The following GPR52 variants were observed in gnomAD, a reference collection of about 807,000 sequenced individuals.
GPR52 encodes probable G-protein coupled receptor 52.
A neutral mutation model predicts 24.0 loss-of-function variants in GPR52; 8 were observed. The ratio of observed to expected loss-of-function variants is 0.33; its 90% CI spans 0.20 to 0.60. The LOEUF is 0.60. Among genes scored for constraint, GPR52 ranks in the 20% least tolerant of loss-of-function variants. The pLI, the probability that GPR52 is intolerant of heterozygous loss-of-function variation, is 0.82. For synonymous variants in GPR52, 144 were observed against 158.1 expected (o/e 0.91, Z 0.67); for missense variants, 412 against 447.7 (o/e 0.92, Z 0.72).
Position 174,449,067 on chromosome 1 carries a change from T to A in GPR52, c.956T>A (p.Leu319His). 6.2e-7 allele frequency: 1 copy of A among 1,614,086 alleles called. No individual in the cohort carries two copies. The highest frequency in any genetic ancestry group is 8.5e-7 in the Non-Finnish European group (1 of 1,179,936). The change falls in exon 1 of 1, where the codon CTC becomes CAC. Residue 319 changes from leucine (L) to histidine (H), a missense_variant. Coordinates refer to ENST00000367685, the MANE Select transcript of GPR52 (RefSeq NM_005684.5). ...TTTTGTAACTGTGTAATATACAGCCTCTCCAACAGCGTTTTCCGGCTAGGC... is the reference window on the plus strand; with the variant it reads ...TTTTGTAACTGTGTAATATACAGCCACTCCAACAGCGTTTTCCGGCTAGGC... The part of the protein sequence containing the change: ...NSFCNCVIYS[L>H]SNSVFRLGLR...
In GPR52 at chr1:174,448,527, G is replaced by A. The variant is rs982327414; in HGVS notation, c.416G>A (p.Arg139His). ...MACLACISVDRYLAITKPLSY... is the reference protein window; with the variant it reads ...MACLACISVDHYLAITKPLSY... ...TGTCTTGCTTGCATCAGTGTGGATCGTTATCTTGCAATAACCAAGCCTCTT... is the reference window on the plus strand; with the variant it reads ...TGTCTTGCTTGCATCAGTGTGGATCATTATCTTGCAATAACCAAGCCTCTT... The change falls in exon 1 of 1, where the codon CGT (arginine) becomes CAT (histidine). Residue 139 changes from arginine (R) to histidine (H), a missense_variant. Coordinates refer to ENST00000367685, the MANE Select transcript of GPR52 (RefSeq NM_005684.5). The surrounding 1 kb of genome is among the most constrained non-coding windows in gnomAD (Gnocchi z 4.2). The A allele has an allele frequency of 8.1e-6, 13 of 1,611,078 alleles. No homozygotes were observed. Among genetic ancestry groups the A allele is most frequent in the African/African-American group, 6.7e-5 (5 of 74,368 alleles).
rs1655184820 is a variant in GPR52 at position 174,449,473 on chromosome 1, A to C, written c.*276A>C. 6.6e-6 allele frequency among the ~76,000 whole-genome samples: 1 copy of C among 152,170 alleles called. No homozygotes were observed. Among genetic ancestry groups the C allele is most frequent in the African/African-American group, 2.4e-5 (1 of 41,434 alleles). ...CACTGAGATGAAAAAGAATATCTCA[A>C]ATCTTCTGCAGGACATGAGCAAGCC... On this transcript the variant is annotated 3_prime_UTR_variant, in exon 1 of 1. Coordinates refer to ENST00000367685, the MANE Select transcript of GPR52 (RefSeq NM_005684.5).
chr1:174,448,311 G>A lies in GPR52; in HGVS notation c.200G>A (p.Cys67Tyr). The A allele has an allele frequency of 6.2e-7, 1 of 1,613,102 alleles. No homozygotes were observed. The highest frequency in any genetic ancestry group is 8.5e-7 in the Non-Finnish European group (1 of 1,179,104). Residue 67 changes from cysteine to tyrosine, a missense_variant, in exon 1 of 1, where the codon TGT (cysteine) becomes TAT (tyrosine). Coordinates refer to ENST00000367685, the MANE Select transcript of GPR52 (RefSeq NM_005684.5). The surrounding 1 kb of genome is among the most constrained non-coding windows in gnomAD (Gnocchi z 4.2). The stretch of plus-strand genomic sequence containing the variant: ...CTAACAGTTATCTTTGTCTTTCATT[G>A]TGCTCCACTGTTACATCATTATACT... ...GNLTVIFVFHCAPLLHHYTTS... is the reference protein window; with the variant it reads ...GNLTVIFVFHYAPLLHHYTTS...
chr1:174,448,575 C>G lies in GPR52; in HGVS notation c.464C>G (p.Pro155Arg), dbSNP rs1272254541. Reference protein sequence around the residue: ...KPLSYNQLVTPCRLRICIILI... With the variant: ...KPLSYNQLVTRCRLRICIILI... ...CTTTCCTACAATCAACTGGTCACCC[C>G]TTGTCGCTTGAGAATTTGCATTATT... Residue 155 changes from proline to arginine, a missense_variant, in exon 1 of 1, where the codon CCT becomes CGT. Transcript: ENST00000367685. The surrounding 1 kb of genome is among the most constrained non-coding windows in gnomAD (Gnocchi z 4.2). 6.2e-7 allele frequency: 1 copy of G among 1,613,882 alleles called. No homozygotes were observed. Among genetic ancestry groups the G allele is most frequent in the Admixed American group, 1.7e-5 (1 of 60,014 alleles).
At position 174,449,008 on chromosome 1, in the gene GPR52, C is replaced by G; in HGVS notation, c.897C>G (p.Ser299=). The G allele has an allele frequency of 6.2e-7, 1 of 1,613,348 alleles. No individual in the cohort carries two copies. The highest frequency in any genetic ancestry group is 8.5e-7 in the Non-Finnish European group (1 of 1,179,342). ...SSRVLDNPTL[S]FLTTWLAISN... ...GGGTCTTGGACAATCCAACTCTGTC[C>G]TTCTTAACAACCTGGCTTGCAATAA... The change falls in exon 1 of 1, where the codon TCC becomes TCG. Residue 299 remains serine (S), a synonymous_variant. Coordinates refer to ENST00000367685, the MANE Select transcript of GPR52 (RefSeq NM_005684.5).
Position 174,448,525 on chromosome 1 carries a change from T to C in GPR52, c.414T>C (p.Asp138=). 6.2e-7 allele frequency: 1 copy of C among 1,612,886 alleles called. No homozygotes were observed. The highest frequency in any genetic ancestry group is 1.1e-5 in the South Asian group (1 of 91,058). Residue 138 remains aspartate, a synonymous_variant, in exon 1 of 1, where the codon GAT becomes GAC. Coordinates refer to ENST00000367685, the MANE Select transcript of GPR52 (RefSeq NM_005684.5). This position sits in a 1 kb window ranked among gnomAD's most constrained non-coding sequence, Gnocchi z 4.2. Reference sequence around the variant, plus strand: ...CATGTCTTGCTTGCATCAGTGTGGATCGTTATCTTGCAATAACCAAGCCTC... The same window carrying C: ...CATGTCTTGCTTGCATCAGTGTGGACCGTTATCTTGCAATAACCAAGCCTC... ...SMACLACISV[D]RYLAITKPLS... is the part of the protein sequence containing the mutation.
rs1016306663 is a variant in GPR52 at position 174,448,501 on chromosome 1, A to C, written c.390A>C (p.Ala130=). ...CAGTTCTAAAAAGTGTTTCTATGGCATGTCTTGCTTGCATCAGTGTGGATC... is the reference window on the plus strand; with the variant it reads ...CAGTTCTAAAAAGTGTTTCTATGGCCTGTCTTGCTTGCATCAGTGTGGATC... The part of the protein sequence containing the change: ...IISVLKSVSM[A]CLACISVDRY... The change falls in exon 1 of 1, where the codon GCA becomes GCC. Residue 130 remains alanine (A), a synonymous_variant. Coordinates refer to ENST00000367685, the MANE Select transcript of GPR52 (RefSeq NM_005684.5). The surrounding 1 kb of genome is among the most constrained non-coding windows in gnomAD (Gnocchi z 4.2). 1 of 1,613,576 alleles carries C rather than the reference A, an allele frequency of 6.2e-7. No homozygotes were observed.
At position 174,448,333 on chromosome 1, in the gene GPR52, T is replaced by G; in HGVS notation, c.222T>G (p.Tyr74Ter). 6.2e-7 allele frequency: 1 copy of G among 1,613,802 alleles called. No homozygotes were observed. Among genetic ancestry groups the G allele is most frequent in the East Asian group, 2.2e-5 (1 of 44,872 alleles). The change falls in exon 1 of 1, where the codon TAT (tyrosine) becomes TAG (stop). Residue 74 changes from tyrosine (Y) to a stop codon, truncating the protein, a stop_gained. Coordinates refer to ENST00000367685, the MANE Select transcript of GPR52 (RefSeq NM_005684.5). LOFTEE classifies it high-confidence loss of function. This position sits in a 1 kb window ranked among gnomAD's most constrained non-coding sequence, Gnocchi z 4.2. ...VFHCAPLLHHYTTSYFIQTMA... is the reference protein window; with the variant it reads ...VFHCAPLLHH ...ATTGTGCTCCACTGTTACATCATTA[T>G]ACTACCAGCTATTTCATTCAGACGA...
Position 174,449,243 on chromosome 1 carries a change from A to G in GPR52, c.*46A>G, listed in dbSNP as rs747057571. 3.4e-6 allele frequency: 5 copies of G among 1,479,048 alleles called. No individual in the cohort carries two copies. The Admixed American group carries it at 1.2e-4, about 34-fold the overall frequency. 91.6% of individuals were successfully genotyped at this position (1,479,048 alleles called of 1,614,324 possible). A position where few individuals can be genotyped will look rare whatever the true frequency, so the allele number is the denominator to read the frequency against. On this transcript the variant is annotated 3_prime_UTR_variant, in exon 1 of 1. Transcript: ENST00000367685. ...AAATGTAATCTGACAGTGGTTTTGG[A>G]TCATATTCTAGATTCATCTGGAAAT...
At position 174,448,941 on chromosome 1, in the gene GPR52, T is replaced by G; in HGVS notation, c.830T>G (p.Leu277Arg). Residue 277 changes from leucine (L) to arginine (R), a missense_variant, in exon 1 of 1, where the codon CTG becomes CGG. Coordinates refer to ENST00000367685, the MANE Select transcript of GPR52 (RefSeq NM_005684.5). This position sits in a 1 kb window ranked among gnomAD's most constrained non-coding sequence, Gnocchi z 4.2. ...AGGATAACCAGTGTATTTTATATGC[T>G]GTGGCTCCCCTATATAATTTACTTT... ...LFRITSVFYM[L>R]WLPYIIYFLL... is the part of the protein sequence containing the mutation. 1.9e-6 allele frequency: 3 copies of G among 1,614,052 alleles called. No homozygotes were observed. Among genetic ancestry groups the G allele is most frequent in the Non-Finnish European group, 2.5e-6 (3 of 1,179,874 alleles).
chr1:174,449,140 G>A lies in GPR52; in HGVS notation c.1029G>A (p.Lys343=). The A allele has an allele frequency of 6.2e-7, 1 of 1,611,990 alleles. No individual in the cohort carries two copies. Among genetic ancestry groups the A allele is most frequent in the African/African-American group, 1.3e-5 (1 of 74,944 alleles). Reference sequence around the variant, plus strand: ...TGTGCACATCCTGTATGTGTGTGAAGGATCAGGAAGCACAAGAACCCAAAC... The same window carrying A: ...TGTGCACATCCTGTATGTGTGTGAAAGATCAGGAAGCACAAGAACCCAAAC... ...ETMCTSCMCV[K]DQEAQEPKPR... is the part of the protein sequence containing the mutation. The change falls in exon 1 of 1, where the codon AAG becomes AAA. Residue 343 remains lysine, a synonymous_variant. Coordinates refer to ENST00000367685, the MANE Select transcript of GPR52 (RefSeq NM_005684.5).
At position 174,448,920 on chromosome 1, in the gene GPR52, T is replaced by C; in HGVS notation, c.809T>C (p.Ile270Thr). 1.2e-6 allele frequency: 2 copies of C among 1,613,880 alleles called. No homozygotes were observed. The highest frequency in any genetic ancestry group is 8.5e-7 in the Non-Finnish European group (1 of 1,179,754). ...CGCTACGCCATGGTTTTGTTTAGGATAACCAGTGTATTTTATATGCTGTGG... is the reference window on the plus strand; with the variant it reads ...CGCTACGCCATGGTTTTGTTTAGGACAACCAGTGTATTTTATATGCTGTGG... ...DRRYAMVLFR[I>T]TSVFYMLWLP... The change falls in exon 1 of 1, where the codon ATA becomes ACA. Residue 270 changes from isoleucine (I) to threonine (T), a missense_variant. Physicochemically the swap from Ile to Thr is moderately conservative, Grantham distance 89. Coordinates refer to ENST00000367685, the MANE Select transcript of GPR52 (RefSeq NM_005684.5). The surrounding 1 kb of genome is among the most constrained non-coding windows in gnomAD (Gnocchi z 4.2).
Position 174,448,608 on chromosome 1 carries a change from G to A in GPR52, c.497G>A (p.Trp166Ter). Residue 166 changes from tryptophan to a stop codon, truncating the protein, a stop_gained, in exon 1 of 1, where the codon TGG becomes TAG. Transcript: ENST00000367685. LOFTEE classifies it high-confidence loss of function. The surrounding 1 kb of genome is among the most constrained non-coding windows in gnomAD (Gnocchi z 4.2). Reference protein sequence around the residue: ...CRLRICIILIWIYSCLIFLPS... With the variant: ...CRLRICIILI The stretch of plus-strand genomic sequence containing the variant: ...TTGAGAATTTGCATTATTTTGATCT[G>A]GATCTACTCCTGCCTAATTTTCTTG... 1 of 1,613,794 alleles carries A rather than the reference G, an allele frequency of 6.2e-7. No individual in the cohort carries two copies. Among genetic ancestry groups the A allele is most frequent in the Non-Finnish European group, 8.5e-7 (1 of 1,179,806 alleles).
At position 174,448,820 on chromosome 1, in the gene GPR52, A is replaced by T; in HGVS notation, c.709A>T (p.Ile237Leu). The change falls in exon 1 of 1, where the codon ATA (isoleucine) becomes TTA (leucine). Residue 237 changes from isoleucine to leucine, a missense_variant. Ile to Leu is a conservative substitution (Grantham distance 5). Transcript: ENST00000367685. This position sits in a 1 kb window ranked among gnomAD's most constrained non-coding sequence, Gnocchi z 4.2. Reference sequence around the variant, plus strand: ...AATTTGCCGTCAGCACACCAAAGAGATAAATGACCGAAGAGCCCGATTCCC... The same window carrying T: ...AATTTGCCGTCAGCACACCAAAGAGTTAAATGACCGAAGAGCCCGATTCCC... ...FKICRQHTKE[I>L]NDRRARFPSH... 1 of 1,614,108 alleles carries T rather than the reference A, an allele frequency of 6.2e-7. No homozygotes were observed. The highest frequency in any genetic ancestry group is 8.5e-7 in the Non-Finnish European group (1 of 1,179,986).
At position 174,448,730 on chromosome 1, in the gene GPR52, A is replaced by C; in HGVS notation, c.619A>C (p.Ile207Leu). 6.2e-7 allele frequency: 1 copy of C among 1,613,680 alleles called. No individual in the cohort carries two copies. Among genetic ancestry groups the C allele is most frequent in the Non-Finnish European group, 8.5e-7 (1 of 1,179,824 alleles). The change falls in exon 1 of 1, where the codon ATT (isoleucine) becomes CTT (leucine). Residue 207 changes from isoleucine (I) to leucine (L), a missense_variant. Coordinates refer to ENST00000367685, the MANE Select transcript of GPR52 (RefSeq NM_005684.5). The surrounding 1 kb of genome is among the most constrained non-coding windows in gnomAD (Gnocchi z 4.2). ...CACCAGTGCCTATTTTACTGGCTTTATTGTTTGTTTACTTTATGCTCCTGC... is the reference window on the plus strand; with the variant it reads ...CACCAGTGCCTATTTTACTGGCTTTCTTGTTTGTTTACTTTATGCTCCTGC... ...WLTSAYFTGF[I>L]VCLLYAPAAF...
At position 174,449,147 on chromosome 1, in the gene GPR52, G is replaced by GAA. The variant is rs774062930; in HGVS notation, c.1037_1038dup (p.Ala347LysfsTer26). The GAA allele has an allele frequency of 1.1e-5, 18 of 1,611,450 alleles. No homozygotes were observed. Among genetic ancestry groups the GAA allele is most frequent in the Middle Eastern group, 1.6e-4 (1 of 6,062 alleles). On this transcript the variant is annotated frameshift_variant, in exon 1 of 1. Coordinates refer to ENST00000367685, the MANE Select transcript of GPR52 (RefSeq NM_005684.5). LOFTEE classifies it high-confidence loss of function. ...ATCCTGTATGTGTGTGAAGGATCAG[G>GAA]AAGCACAAGAACCCAAACCTAGGAA... is the stretch of plus-strand genomic sequence containing the variant.
chr1:174,448,423 CTCCACAGGTG>C lies in GPR52; in HGVS notation c.318_327del (p.Gly107SerfsTer3). On this transcript the variant is annotated frameshift_variant, in exon 1 of 1. Transcript: ENST00000367685. LOFTEE classifies it high-confidence loss of function. The surrounding 1 kb of genome is among the most constrained non-coding windows in gnomAD (Gnocchi z 4.2). ...TTCCTACTCTGTCACTTCTCCACTACTCCACAGGTGTCCACGAGTCATTGACTTGCCAGGT... is the reference window on the plus strand; with the variant it reads ...TTCCTACTCTGTCACTTCTCCACTACTCCACGAGTCATTGACTTGCCAGGT... The C allele has an allele frequency of 6.2e-7, 1 of 1,612,934 alleles. No individual in the cohort carries two copies.
chr1:174,448,266 T>C lies in GPR52; in HGVS notation c.155T>C (p.Phe52Ser). ...ACAGTGGTTATTGTGTTGCTGACAT[T>C]TCTGATCATTGCTGGGAATCTAACA... ...FETVVIVLLT[F>S]LIIAGNLTVI... The change falls in exon 1 of 1, where the codon TTT (phenylalanine) becomes TCT (serine). Residue 52 changes from phenylalanine (F) to serine (S), a missense_variant. Phe to Ser is a radical substitution (Grantham distance 155, BLOSUM62 -2). Transcript: ENST00000367685. This position sits in a 1 kb window ranked among gnomAD's most constrained non-coding sequence, Gnocchi z 4.2. 1 of 1,613,968 alleles carries C rather than the reference T, an allele frequency of 6.2e-7. No homozygotes were observed. Among genetic ancestry groups the C allele is most frequent in the Non-Finnish European group, 8.5e-7 (1 of 1,179,844 alleles).
At position 174,448,855 on chromosome 1, in the gene GPR52, G is replaced by A. The variant is rs1278658803; in HGVS notation, c.744G>A (p.Glu248=). ...NDRRARFPSH[E]VDSSRETGHS... is the part of the protein sequence containing the mutation. ...GAAGAGCCCGATTCCCTAGTCATGAGGTAGATTCTTCCAGAGAGACTGGAC... is the reference window on the plus strand; with the variant it reads ...GAAGAGCCCGATTCCCTAGTCATGAAGTAGATTCTTCCAGAGAGACTGGAC... The change falls in exon 1 of 1, where the codon GAG becomes GAA. Residue 248 remains glutamate (E), a synonymous_variant. Transcript: ENST00000367685. This position sits in a 1 kb window ranked among gnomAD's most constrained non-coding sequence, Gnocchi z 4.2. 3 of 1,613,946 alleles carry A rather than the reference G, an allele frequency of 1.9e-6. No individual in the cohort carries two copies. Among genetic ancestry groups the A allele is most frequent in the East Asian group, 2.2e-5 (1 of 44,890 alleles).
Sources: gnomAD v4.1 joint callset for allele counts (sites outside exome capture counted in the v4.1 genomes callset) on GRCh38, gnomAD v4.1.1 for gene constraint, Gnocchi (gnomAD v3.1) non-coding constraint, MANE v1.5 for transcripts, NCBI Gene and HGNC (gene_info 2026-07-23, HGNC 2026-07-21) for gene names.